Variants in FRMD4A observed in about 807,000 individuals in gnomAD.
The protein encoded by FRMD4A is FERM domain-containing protein 4A.
FRMD4A carries 29 observed loss-of-function variants against 129.1 expected under a neutral mutation model. That is an observed-to-expected ratio of 0.22 (90% CI 0.17 to 0.31). The LOEUF (loss-of-function observed/expected upper bound fraction) is 0.31. FRMD4A is among the 10% of genes least tolerant of loss of function. The pLI is 1.00. For missense variants in FRMD4A, 1,272 were observed against 1,375.8 expected, an observed-to-expected ratio of 0.92 and a Z score of 1.19; for synonymous variants, 634 against 571.6, an observed-to-expected ratio of 1.11 and a Z score of -1.56.
chr10:13,940,489 T>C (rs1034214522), intron 2 of FRMD4A, among the ~76,000 whole-genome samples: 1 of 152,204 alleles, frequency 6.6e-6, no homozygotes, highest in African/African-American at 2.4e-5. Context: ...TACATGTTAT[T>C]TCTTGTCCTA....
At chr10:14,256,062 C>T (rs915613449) in intron 2 of FRMD4A, among the ~76,000 whole-genome samples, 1 of 148,832 alleles carries the variant, frequency 6.7e-6, no homozygotes, top group Non-Finnish European at 1.5e-5. Context: ...TTTTAAACTA[C>T]AGAATTAATA....
intron 2 of FRMD4A, among the ~76,000 whole-genome samples, chr10:14,252,512 A>G (rs190606335): frequency 1.7e-4 from 26 of 152,344 alleles, no homozygotes; most frequent in African/African-American, 5.8e-4. Context: ...TTTGGAGAAT[A>G]TGCCTCAATT....
intron 4 of FRMD4A, among the ~76,000 whole-genome samples, chr10:13,800,183 A>G (rs773649282): frequency 6.6e-6 from 1 of 152,184 alleles, no homozygotes; most frequent in African/African-American, 2.4e-5. Flanking sequence ...CTCCATCTCA[A>G]AAAACAAAAC....
intron 4 of FRMD4A, among the ~76,000 whole-genome samples, chr10:13,809,860 C>T (rs906464577): frequency 1.3e-5 from 2 of 152,384 alleles, no homozygotes; most frequent in East Asian, 3.9e-4. Flanking sequence ...ACCACCCCTT[C>T]CACTTGCATC....
chr10:13,972,120 G>A, intron 2 of FRMD4A: 1 of 1,078,424 alleles, frequency 9.3e-7, no homozygotes, highest in Non-Finnish European at 1.1e-6. Flanking sequence ...GCACATCCCT[G>A]TTTCTCAGTG....
chr10:13,688,386 G>C (rs59156706), intron 15 of FRMD4A, among the ~76,000 whole-genome samples: 3,543 of 152,020 alleles, frequency 0.023, 141 homozygotes, highest in African/African-American at 0.082. Context: ...ACACACTGGG[G>C]ACTGTTGTGG....
chr10:14,297,914 A>T (rs1846061351), intron 2 of FRMD4A, among the ~76,000 whole-genome samples: 1 of 152,196 alleles, frequency 6.6e-6, no homozygotes, highest in Non-Finnish European at 1.5e-5. Context: ...CAAGATCTTA[A>T]CATCAGTTCT....
intron 3 of FRMD4A, among the ~76,000 whole-genome samples, chr10:13,833,192 T>C (rs1224814325): frequency 6.6e-6 from 1 of 152,114 alleles, no homozygotes; most frequent in African/African-American, 2.4e-5. Context: ...CTGGGTAATT[T>C]ATAAAGAAAA....
chr10:14,101,686 C>A (rs957310608), intron 2 of FRMD4A, among the ~76,000 whole-genome samples: 2 of 152,112 alleles, frequency 1.3e-5, no homozygotes, highest in Non-Finnish European at 2.9e-5. Context: ...GTCACCATCT[C>A]CATGCTGGTG....
chr10:13,914,825 G>A (rs557882003), intron 2 of FRMD4A, among the ~76,000 whole-genome samples: 6 of 152,232 alleles, frequency 3.9e-5, no homozygotes, highest in Middle Eastern at 6.8e-3. Flanking sequence ...CCACAAGACT[G>A]GGCAACAGAG....
chr10:14,219,567 T>C (rs972689106), intron 2 of FRMD4A, among the ~76,000 whole-genome samples: 3 of 152,230 alleles, frequency 2.0e-5, no homozygotes, highest in Non-Finnish European at 4.4e-5. Flanking sequence ...AATTCCATCA[T>C]GTCTGATGCT....
chr10:14,222,228 C>T (rs568496313), intron 2 of FRMD4A, among the ~76,000 whole-genome samples: 8 of 152,314 alleles, frequency 5.3e-5, no homozygotes, highest in African/African-American at 1.7e-4. Context: ...ACTTGAAACT[C>T]CTGTATGTTT....
At chr10:13,668,586 G>C (rs1371829715) in intron 17 of FRMD4A, 1 of 152,258 alleles carries the variant, frequency 6.6e-6, no homozygotes, top group African/African-American at 2.4e-5. Context: ...TACGAACTTA[G>C]GAAAGATCAT....
chr10:13,737,820 AC>A (rs781035378), intron 12 of FRMD4A, 23 bp downstream of exon 12: 26 of 1,347,074 alleles, frequency 1.9e-5, no homozygotes, highest in Non-Finnish European at 2.8e-5. Flanking sequence ...GAGGAGTTAA[AC>A]CCAAGCAGGA....
chr10:13,998,182 T>A (rs546459269), intron 2 of FRMD4A, among the ~76,000 whole-genome samples: 2 of 152,252 alleles, frequency 1.3e-5, no homozygotes, highest in East Asian at 3.9e-4. Context: ...CCAGATGTTA[T>A]CATATAGTCC....
At chr10:14,201,580 A>C (rs1158212866) in intron 2 of FRMD4A, among the ~76,000 whole-genome samples, 1 of 152,116 alleles carries the variant, frequency 6.6e-6, no homozygotes, top group Non-Finnish European at 1.5e-5. Context: ...TTTATTTTTC[A>C]TAATGTCCAG....
chr10:14,227,000 T>C (rs1188157640), intron 2 of FRMD4A, among the ~76,000 whole-genome samples: 2 of 152,016 alleles, frequency 1.3e-5, no homozygotes, highest in Admixed American at 1.3e-4. Flanking sequence ...CTTGTCACAG[T>C]TCCTCAGGCC....
At chr10:13,897,723 G>A (rs1232334254) in intron 2 of FRMD4A, among the ~76,000 whole-genome samples, 1 of 151,988 alleles carries the variant, frequency 6.6e-6, no homozygotes, top group Non-Finnish European at 1.5e-5. Flanking sequence ...GATCACCTGA[G>A]GCCAGGAGTT....
chr10:13,877,141 G>A (rs969751163), intron 2 of FRMD4A, among the ~76,000 whole-genome samples: 1 of 152,112 alleles, frequency 6.6e-6, no homozygotes, highest in South Asian at 2.1e-4. Flanking sequence ...GGGAGGTGTG[G>A]AGCAGAAAAT....
Sources: allele counts gnomAD v4.1 joint callset (sites outside exome capture counted in the v4.1 genomes callset), GRCh38; gene constraint gnomAD v4.1.1; transcripts MANE v1.5; gene names NCBI Gene and HGNC (gene_info 2026-07-23, HGNC 2026-07-21).